Variants in PEX2 observed in about 807,000 individuals in gnomAD.
PEX2 encodes peroxisomal biogenesis factor 2.
A neutral mutation model predicts 25.2 loss-of-function variants in PEX2; 19 were observed. That is an observed-to-expected ratio of 0.75 (90% CI 0.53 to 1.10). The LOEUF (loss-of-function observed/expected upper bound fraction) is 1.10. PEX2 is among the 50% of genes least tolerant of loss of function. The pLI, the probability that PEX2 is intolerant of heterozygous loss-of-function variation, is 0.00. For synonymous variants in PEX2, 141 were observed against 127.7 expected (o/e 1.10, Z -0.70); for missense variants, 347 against 350.6 (o/e 0.99, Z 0.08).
intron 1 of PEX2, among the ~76,000 whole-genome samples, chr8:76,994,935 T>TA (rs1807278723): frequency 1.3e-5 from 2 of 152,220 alleles, no homozygotes; most frequent in African/African-American, 4.8e-5. Context: ...TGTAGTCAGA[T>TA]AGATTTACTG....
intron 1 of PEX2, among the ~76,000 whole-genome samples, chr8:76,993,969 G>A (rs1807248391): frequency 6.6e-6 from 1 of 152,038 alleles, no homozygotes; most frequent in Non-Finnish European, 1.5e-5. Flanking sequence ...AGATGCTTAA[G>A]GCAAAATCAA....
At chr8:76,984,300 T>C (rs900886003) in intron 3 of PEX2, 105 bp from the exon 4 acceptor site, 8 of 870,510 alleles carry the variant, frequency 9.2e-6, no homozygotes, top group East Asian at 7.3e-5. Flanking sequence ...ACAGGACACA[T>C]AGGCGATGAG....
At position 76,983,249 on chromosome 8, in the gene PEX2, C is replaced by T; in HGVS notation, c.*12G>A. 1 of 1,610,222 alleles carries T rather than the reference C, an allele frequency of 6.2e-7. No homozygotes were observed. The highest frequency in any genetic ancestry group is 1.6e-4 in the Middle Eastern group (1 of 6,062). Reference sequence around the variant, plus strand: ...GGTGCATTTTTTTCCTCAAAGGAAGCAATTTTAGTTTCTAAAGAGCATTTA... The same window carrying T: ...GGTGCATTTTTTTCCTCAAAGGAAGTAATTTTAGTTTCTAAAGAGCATTTA... On this transcript the variant is annotated 3_prime_UTR_variant, in exon 4 of 4. Coordinates refer to ENST00000357039, the MANE Select transcript of PEX2 (RefSeq NM_000318.3).
chr8:76,992,265 T>C (rs562142830), intron 1 of PEX2, among the ~76,000 whole-genome samples: 1 of 152,326 alleles, frequency 6.6e-6, no homozygotes, highest in East Asian at 1.9e-4. Context: ...ATCAACATAG[T>C]TGTGCCTGTT....
intron 1 of PEX2, among the ~76,000 whole-genome samples, chr8:76,998,908 T>C (rs543499088): frequency 1.4e-4 from 21 of 152,136 alleles, no homozygotes; most frequent in Non-Finnish European, 2.6e-4. Context: ...TTTAGTCTAA[T>C]ACTCTTCAGT....
intron 1 of PEX2, among the ~76,000 whole-genome samples, chr8:76,996,013 G>C (rs1411447697): frequency 1.3e-5 from 2 of 152,152 alleles, no homozygotes; most frequent in Non-Finnish European, 2.9e-5. Context: ...GGAAAAAAAT[G>C]AACAGCTATT....
upstream of PEX2, chr8:77,000,315 G>A: frequency 3.4e-6 from 1 of 290,434 alleles, no homozygotes; most frequent in Non-Finnish European, 6.7e-6. Flanking sequence ...TCTCTGATTG[G>A]CAGGAGAGTC....
chr8:76,998,520 G>A (rs1288892311), intron 1 of PEX2, among the ~76,000 whole-genome samples: 7 of 152,190 alleles, frequency 4.6e-5, no homozygotes, highest in African/African-American at 1.7e-4. Flanking sequence ...TAAATTAGCT[G>A]TGAATATATT....
intron 2 of PEX2, chr8:76,987,808 T>C (rs1464277681): frequency 6.6e-6 from 1 of 152,156 alleles, no homozygotes; most frequent in Non-Finnish European, 1.5e-5. Flanking sequence ...AATTGAGTGA[T>C]AGTGATCCAA....
In PEX2 at chr8:76,991,233, T is replaced by C. The variant is rs74676710; in HGVS notation, c.-159-2895A>G. ...TTTGGAGGAATTACACTTAAAAACATTCAGTAAAAACAGGAATTTTTAATG... is the reference window on the plus strand; with the variant it reads ...TTTGGAGGAATTACACTTAAAAACACTCAGTAAAAACAGGAATTTTTAATG... On this transcript the variant is annotated intron_variant, in intron 1 of 3. Transcript: ENST00000357039. Among the ~76,000 whole-genome samples, 1,402 of 152,288 alleles carry C rather than the reference T, an allele frequency of 9.2e-3. 13 individuals are homozygous for C. The highest frequency in any genetic ancestry group is 0.032 in the African/African-American group (1,347 of 41,552).
chr8:76,994,757 C>A (rs113773040), intron 1 of PEX2, among the ~76,000 whole-genome samples: 6,578 of 152,266 alleles, frequency 0.043, 206 homozygotes, highest in Non-Finnish European at 0.067. Flanking sequence ...ATGTCACTGC[C>A]ACACCATCTT....
In PEX2 at chr8:76,983,055, A is replaced by T. The variant is rs1806882553; in HGVS notation, c.*206T>A. 3.7e-6 allele frequency: 5 copies of T among 1,340,908 alleles called. No individual in the cohort carries two copies. The South Asian group carries it at 5.0e-5, about 13-fold the overall frequency. 83.1% of individuals were successfully genotyped at this position (1,340,908 alleles called of 1,614,324 possible). On this transcript the variant is annotated 3_prime_UTR_variant, in exon 4 of 4. Transcript: ENST00000357039. The stretch of plus-strand genomic sequence containing the variant: ...CATTAAAAATTGAATGCAATGATTT[A>T]AAAAACATAATACATTAACATTTAC...
At chr8:76,998,742 C>G (rs1807406395) in intron 1 of PEX2, among the ~76,000 whole-genome samples, 3 of 152,138 alleles carry the variant, frequency 2.0e-5, no homozygotes, top group African/African-American at 7.2e-5. Flanking sequence ...TCTCCCTGCA[C>G]GGCTCCAGAA....
intron 1 of PEX2, among the ~76,000 whole-genome samples, chr8:76,989,720 C>T (rs564271768): frequency 1.3e-5 from 2 of 152,288 alleles, no homozygotes; most frequent in African/African-American, 4.8e-5. Context: ...CACCTGTGTG[C>T]TTAAAATATT....
At chr8:76,992,098 C>G (rs973214887) in intron 1 of PEX2, among the ~76,000 whole-genome samples, 1 of 152,018 alleles carries the variant, frequency 6.6e-6, no homozygotes, top group Non-Finnish European at 1.5e-5. Context: ...TATGTGTGCA[C>G]GTGGGAGGGG....
chr8:77,000,025 CTT>C lies in PEX2; in HGVS notation c.-197_-196del, dbSNP rs1416231651. On this transcript the variant is annotated 5_prime_UTR_variant, in exon 1 of 4. The change creates a premature stop within an existing upstream ORF in the 5' untranslated region. Transcript: ENST00000357039. Reference sequence around the variant, plus strand: ...TGCGAAACGCCCACGCTCCACGTAACTTTCTCTGAAACATTCTCTGGAAAGCT... The same window carrying C: ...TGCGAAACGCCCACGCTCCACGTAACTCTCTGAAACATTCTCTGGAAAGCT... The C allele has an allele frequency of 6.6e-6, 3 of 451,756 alleles. No homozygotes were observed. In the Admixed American group the frequency reaches 7.2e-5, roughly 11 times the overall value. 28.0% of individuals were successfully genotyped at this position (451,756 alleles called of 1,614,324 possible).
intron 1 of PEX2, among the ~76,000 whole-genome samples, chr8:76,996,435 AC>A (rs1471976676): frequency 3.3e-5 from 5 of 152,178 alleles, no homozygotes. Flanking sequence ...AAACATAAAC[AC>A]TTTAGGATGG....
intron 1 of PEX2, 79 bp downstream of exon 1, chr8:76,999,911 A>G (rs909895744): frequency 4.4e-6 from 2 of 456,572 alleles, no homozygotes; most frequent in African/African-American, 4.0e-5. Flanking sequence ...GACAATTACA[A>G]GGTCGTGAAA....
At position 76,990,600 on chromosome 8, in the gene PEX2, T is replaced by C. The variant is rs571025983; in HGVS notation, c.-159-2262A>G. 4.6e-5 allele frequency among the ~76,000 whole-genome samples: 7 copies of C among 152,244 alleles called. No homozygotes were observed. In the South Asian group the frequency reaches 1.2e-3, roughly 27 times the overall value. On this transcript the variant is annotated intron_variant, in intron 1 of 3. Transcript: ENST00000357039. The stretch of plus-strand genomic sequence containing the variant: ...TATCTTAATTGGCCTAATTTCAACA[T>C]TGTTGTGTCTTAGGGAATAGGCAAG...
Sources: allele counts gnomAD v4.1 joint callset (sites outside exome capture counted in the v4.1 genomes callset), GRCh38; gene constraint gnomAD v4.1.1; transcripts MANE v1.5; gene names NCBI Gene and HGNC (gene_info 2026-07-23, HGNC 2026-07-21).